PDE4D: variants seen among roughly 807,000 people sequenced by gnomAD.
The protein encoded by PDE4D is phosphodiesterase 4D, also known as 3',5'-cyclic-AMP phosphodiesterase 4D.
PDE4D carries 24 observed loss-of-function variants against 87.4 expected under a neutral mutation model. That is an observed-to-expected ratio of 0.27 (90% CI 0.20 to 0.39). The LOEUF (loss-of-function observed/expected upper bound fraction) is 0.39, where lower values mean the gene tolerates loss of function less well. Among genes scored for constraint, PDE4D ranks in the 10% least tolerant of loss-of-function variants. The pLI is 1.00. For missense variants in PDE4D, 714 were observed against 1,041.0 expected (o/e 0.69, Z 4.32); for synonymous variants, 384 against 383.2 (o/e 1.00, Z -0.02).
chr5:59,679,585 A>G (rs1003359538), intron 1 of PDE4D, among the ~76,000 whole-genome samples: 3 of 152,182 alleles, frequency 2.0e-5, no homozygotes, highest in African/African-American at 4.8e-5. Context: ...TCTGTAATCA[A>G]GCTCCTGCCA....
intron 1 of PDE4D, among the ~76,000 whole-genome samples, chr5:59,585,532 A>G (rs529211502): frequency 1.3e-5 from 2 of 152,356 alleles, no homozygotes; most frequent in African/African-American, 4.8e-5. Flanking sequence ...TTCTGCTATG[A>G]AAGTCAGAAT....
chr5:59,915,245 C>G (rs1455283134), intron 3 of PDE4D, among the ~76,000 whole-genome samples: 1 of 152,000 alleles, frequency 6.6e-6, no homozygotes, highest in East Asian at 1.9e-4. Context: ...AATGGATGAC[C>G]AGCTAGGGCA....
At chr5:59,790,229 A>G (rs1162034675) in intron 1 of PDE4D, among the ~76,000 whole-genome samples, 1 of 152,210 alleles carries the variant, frequency 6.6e-6, no homozygotes, top group East Asian at 1.9e-4. Flanking sequence ...AACACAGCAA[A>G]ATAATTACAT....
At chr5:59,049,174 T>C (rs1761161992) in intron 5 of PDE4D, among the ~76,000 whole-genome samples, 1 of 152,258 alleles carries the variant, frequency 6.6e-6, no homozygotes, top group South Asian at 2.1e-4. Flanking sequence ...TGTATGACTT[T>C]TCTAATGTCA....
At chr5:59,073,507 C>CGGGA (rs1765189336) in intron 5 of PDE4D, among the ~76,000 whole-genome samples, 1 of 38,152 alleles carries the variant, frequency 2.6e-5, no homozygotes, top group Non-Finnish European at 6.1e-5. Flanking sequence ...AAGTGGGGGG[C>CGGGA]GGGGGGGGCG....
At chr5:59,157,622 T>C (rs991357538) in intron 5 of PDE4D, among the ~76,000 whole-genome samples, 1 of 152,206 alleles carries the variant, frequency 6.6e-6, no homozygotes, top group Non-Finnish European at 1.5e-5. Context: ...CATGTACAAA[T>C]GAGAAGAATG....
At chr5:60,222,577 G>A (rs1318492134) in intron 1 of PDE4D, among the ~76,000 whole-genome samples, 3 of 152,124 alleles carry the variant, frequency 2.0e-5, no homozygotes, top group African/African-American at 4.8e-5. Flanking sequence ...AACGTTTTCC[G>A]AGTTGGGTAT....
intron 2 of PDE4D, chr5:60,022,464 A>T (rs888050026): frequency 6.6e-6 from 1 of 152,186 alleles, no homozygotes; most frequent in Admixed American, 6.5e-5. Flanking sequence ...GTTTTCCTTT[A>T]ATCATAATCC....
At chr5:59,854,490 T>C (rs1052770451) in intron 1 of PDE4D, among the ~76,000 whole-genome samples, 1 of 152,116 alleles carries the variant, frequency 6.6e-6, no homozygotes, top group African/African-American at 2.4e-5. Context: ...TACTCAAATA[T>C]GTCAGTATTT....
intron 1 of PDE4D, among the ~76,000 whole-genome samples, chr5:59,373,872 T>C (rs1278667611): frequency 2.0e-5 from 3 of 152,188 alleles, no homozygotes; most frequent in Non-Finnish European, 2.9e-5. Context: ...TGAGGGCCAA[T>C]ATTCACAATT....
intron 2 of PDE4D, among the ~76,000 whole-genome samples, chr5:60,070,824 T>C (rs1772633449): frequency 6.6e-6 from 1 of 152,016 alleles, no homozygotes; most frequent in Non-Finnish European, 1.5e-5. Context: ...TTTTCCTTCC[T>C]GGGAGCTTTG....
chr5:59,274,474 C>G (rs887391116), intron 1 of PDE4D, among the ~76,000 whole-genome samples: 1 of 152,110 alleles, frequency 6.6e-6, no homozygotes, highest in Admixed American at 6.6e-5. Flanking sequence ...CCATTCTCAA[C>G]CACCTCACTT....
intron 5 of PDE4D, among the ~76,000 whole-genome samples, chr5:59,056,093 C>T (rs545504188): frequency 5.3e-5 from 8 of 152,140 alleles, no homozygotes; most frequent in Non-Finnish European, 1.0e-4. Flanking sequence ...ATCCATGCCC[C>T]GCCTCCACCT....
rs543603311 is a variant in PDE4D, at chr5:59,275,209, A to T, written c.456-59241T>A. 1.1e-5 allele frequency: 8 copies of T among 698,256 alleles called. No individual in the cohort carries two copies. The South Asian group carries it at 1.5e-4, about 13-fold the overall frequency. The allele number at this position is 698,256 out of a possible 1,614,324, so 43.3% of individuals were successfully genotyped here. A position where few individuals can be genotyped will look rare whatever the true frequency, so the allele number is the denominator to read the frequency against. On this transcript the variant is annotated intron_variant, in intron 1 of 14. Transcript: ENST00000340635. Reference sequence around the variant, plus strand: ...AGCACATGAGTTTGGGAACAAAATAAAGAATAAAAGAGCCGCCAATACTGC... The same window carrying T: ...AGCACATGAGTTTGGGAACAAAATATAGAATAAAAGAGCCGCCAATACTGC...
chr5:59,619,765 T>A (rs1830124139), intron 1 of PDE4D, among the ~76,000 whole-genome samples: 1 of 151,998 alleles, frequency 6.6e-6, no homozygotes, highest in African/African-American at 2.4e-5. Flanking sequence ...AGAATCTGAG[T>A]AAAACAAAGA....
At chr5:59,962,985 A>G (rs917175546) in intron 3 of PDE4D, among the ~76,000 whole-genome samples, 1 of 152,174 alleles carries the variant, frequency 6.6e-6, no homozygotes, top group Non-Finnish European at 1.5e-5. Context: ...CCAGCTCTGT[A>G]AGAGAAACTA....
At chr5:60,394,215 C>A (rs1429457799) in intron 1 of PDE4D, among the ~76,000 whole-genome samples, 1 of 152,164 alleles carries the variant, frequency 6.6e-6, no homozygotes, top group African/African-American at 2.4e-5. Context: ...CAAACTAACA[C>A]ATACAAAGAA....
chr5:59,025,213 T>C (rs971104144), intron 6 of PDE4D, among the ~76,000 whole-genome samples: 3 of 152,194 alleles, frequency 2.0e-5, no homozygotes, highest in African/African-American at 7.2e-5. Flanking sequence ...AAAACTGTGA[T>C]AACCCTTCCA....
At chr5:59,596,032 AGT>A (rs953241166) in intron 1 of PDE4D, among the ~76,000 whole-genome samples, 3 of 151,226 alleles carry the variant, frequency 2.0e-5, no homozygotes, top group African/African-American at 7.3e-5. Flanking sequence ...ATATTTTTGC[AGT>A]GTTTTCAGTC....
Sources: allele counts gnomAD v4.1 joint callset (sites outside exome capture counted in the v4.1 genomes callset), GRCh38; gene constraint gnomAD v4.1.1; transcripts MANE v1.5; gene names NCBI Gene and HGNC (gene_info 2026-07-23, HGNC 2026-07-21).